CDKN2B-AS1: variants seen among roughly 807,000 people sequenced by gnomAD.
CDKN2B-AS1 encodes the protein CDKN2B and CDKN2A antisense cis and trans regulatory RNA 1.
intron 4 of CDKN2B-AS1, among the ~76,000 whole-genome samples, chr9:22,070,525 G>A (rs1340466337): frequency 6.6e-6 from 1 of 152,124 alleles, no homozygotes; most frequent in Non-Finnish European, 1.5e-5. Context: ...GATTTCCCAG[G>A]GAAAGTGATG....
At position 21,996,694 on chromosome 9, in the gene CDKN2B-AS1, C is replaced by T. The variant is rs1032862023; in HGVS notation, n.29+1533C>T. On this transcript the variant is annotated intron_variant and non_coding_transcript_variant, in intron 1 of 4. Transcript: ENST00000650946. This position sits in a 1 kb window ranked among gnomAD's most constrained non-coding sequence, Gnocchi z 5.4. Reference sequence around the variant, plus strand: ...CCCTCCTACCACCACCTTCAGCCGGCCTCCGCCTCTGTAGGGGGGCATTAG... The same window carrying T: ...CCCTCCTACCACCACCTTCAGCCGGTCTCCGCCTCTGTAGGGGGGCATTAG... Among the ~76,000 whole-genome samples the T allele has an allele frequency of 6.6e-6, 1 of 152,152 alleles. No individual in the cohort carries two copies. The highest frequency in any genetic ancestry group is 1.9e-4 in the East Asian group (1 of 5,192).
chr9:22,077,892 G>T (rs1297277090), intron 4 of CDKN2B-AS1: 1 of 152,170 alleles, frequency 6.6e-6, no homozygotes, highest in Non-Finnish European at 1.5e-5. Flanking sequence ...ATAAACAATA[G>T]ATCTCTGTGG....
At position 22,000,767 on chromosome 9, in the gene CDKN2B-AS1, A is replaced by C. The variant is rs1820884314; in HGVS notation, n.29+5606A>C. ...ATTCTAAAATATATAATAACAAACA[A>C]TAACAGTACTTGCAGCTTAATTAAA... On this transcript the variant is annotated intron_variant and non_coding_transcript_variant, in intron 1 of 4. Transcript: ENST00000650946. This position sits in a 1 kb window ranked among gnomAD's most constrained non-coding sequence, Gnocchi z 4.1. Among the ~76,000 whole-genome samples the C allele has an allele frequency of 2.0e-5, 3 of 152,206 alleles. No homozygotes were observed. The highest frequency in any genetic ancestry group is 4.4e-5 in the Non-Finnish European group (3 of 68,028).
intron 1 of CDKN2B-AS1, among the ~76,000 whole-genome samples, chr9:22,041,403 A>G (rs888442585): frequency 6.6e-6 from 1 of 152,042 alleles, no homozygotes; most frequent in Non-Finnish European, 1.5e-5. Flanking sequence ...GAAAACTCCA[A>G]TCAACCCTAG....
chr9:22,038,023 C>T (rs1164376082), intron 1 of CDKN2B-AS1, among the ~76,000 whole-genome samples: 3 of 151,980 alleles, frequency 2.0e-5, no homozygotes, highest in African/African-American at 7.2e-5. Context: ...TTTGAAAAGC[C>T]TCTTGCACAA....
At chr9:22,010,860 C>A (rs1245136983) in intron 1 of CDKN2B-AS1, among the ~76,000 whole-genome samples, 5 of 152,116 alleles carry the variant, frequency 3.3e-5, no homozygotes, top group African/African-American at 9.7e-5. Flanking sequence ...AATTCTTGAG[C>A]CATTTTCTTA....
intron 4 of CDKN2B-AS1, among the ~76,000 whole-genome samples, chr9:22,117,014 A>G (rs1302567451): frequency 6.6e-6 from 1 of 152,244 alleles, no homozygotes; most frequent in East Asian, 1.9e-4. Flanking sequence ...GTGTTGAAAG[A>G]ATGTAAGGGG....
At chr9:22,072,930 A>G (rs1348005958) in intron 4 of CDKN2B-AS1, among the ~76,000 whole-genome samples, 3 of 152,210 alleles carry the variant, frequency 2.0e-5, no homozygotes, top group Non-Finnish European at 4.4e-5. Flanking sequence ...TAGAAATTGA[A>G]AGGAGATAAG....
chr9:22,047,945 G>A (rs1823178498), intron 2 of CDKN2B-AS1, among the ~76,000 whole-genome samples: 1 of 139,874 alleles, frequency 7.1e-6, no homozygotes, highest in Admixed American at 7.9e-5. Flanking sequence ...GCACTCCCAT[G>A]TGCGGCTAAT....
rs142570894 is a variant in CDKN2B-AS1 at position 22,006,155 on chromosome 9, C to A, written n.29+10994C>A. The A allele has an allele frequency of 1.3e-5, 21 of 1,611,652 alleles. No homozygotes were observed. The highest frequency in any genetic ancestry group is 1.7e-5 in the Non-Finnish European group (20 of 1,179,864). On this transcript the variant is annotated intron_variant and non_coding_transcript_variant, in intron 1 of 4. Transcript: ENST00000650946. This position sits in a 1 kb window ranked among gnomAD's most constrained non-coding sequence, Gnocchi z 6.4. ...AGCCCTCCCGGGCAGCATCATGCAC[C>A]GGTCGGGTGAGAGTGGCAGGGTCTG...
At chr9:22,106,930 C>T (rs1587540719) in intron 4 of CDKN2B-AS1, among the ~76,000 whole-genome samples, 1 of 152,234 alleles carries the variant, frequency 6.6e-6, no homozygotes, top group East Asian at 1.9e-4. Flanking sequence ...AAGAAACTTT[C>T]CCAAGTTGAT....
rs149314539 is a variant in CDKN2B-AS1, at chr9:22,079,404, C to T, written n.438+23017C>T. On this transcript the variant is annotated intron_variant and non_coding_transcript_variant, in intron 4 of 4. Transcript: ENST00000650946. ...TCGGGAGGCTGAGGCAGGAGACTTG[C>T]TTGAATGCAGGAAGTGGAGGTTACA... is the stretch of plus-strand genomic sequence containing the variant. 8.9e-3 allele frequency among the ~76,000 whole-genome samples: 1,344 copies of T among 151,210 alleles called. 11 individuals carry two copies. The highest frequency in any genetic ancestry group is 0.014 in the Non-Finnish European group (932 of 67,880).
chr9:22,116,285 G>A (rs1380432867), intron 4 of CDKN2B-AS1, among the ~76,000 whole-genome samples: 1 of 152,162 alleles, frequency 6.6e-6, no homozygotes. Context: ...GAGTAGGTAT[G>A]GAGATGAGCC....
chr9:22,058,946 G>C (rs193099327), intron 4 of CDKN2B-AS1: 28 of 172,084 alleles, frequency 1.6e-4, no homozygotes, highest in Non-Finnish European at 2.8e-4. Flanking sequence ...GATCTTATGA[G>C]ACTTATTCCA....
chr9:22,090,818 T>G (rs200717590), intron 4 of CDKN2B-AS1, among the ~76,000 whole-genome samples: 1 of 152,042 alleles, frequency 6.6e-6, no homozygotes, highest in African/African-American at 2.4e-5. Context: ...TGTGCAGAAG[T>G]TCTTTAGTTT....
chr9:22,067,393 C>G (rs983422336), intron 4 of CDKN2B-AS1, among the ~76,000 whole-genome samples: 3 of 152,058 alleles, frequency 2.0e-5, no homozygotes, highest in Admixed American at 6.6e-5. Flanking sequence ...GATAGGATGT[C>G]AAATAAATGA....
chr9:22,035,970 G>A (rs1587436812), intron 1 of CDKN2B-AS1, among the ~76,000 whole-genome samples: 1 of 152,136 alleles, frequency 6.6e-6, no homozygotes, highest in South Asian at 2.1e-4. Context: ...AGCCACAGAT[G>A]TAAGGGCTAC....
intron 4 of CDKN2B-AS1, among the ~76,000 whole-genome samples, chr9:22,062,312 T>A (rs1283564480): frequency 6.6e-6 from 1 of 152,214 alleles, no homozygotes; most frequent in Non-Finnish European, 1.5e-5. Flanking sequence ...AGGGTCTTTA[T>A]GTATACAATT....
intron 4 of CDKN2B-AS1, among the ~76,000 whole-genome samples, chr9:22,106,335 C>T (rs1228346874): frequency 6.6e-6 from 1 of 152,110 alleles, no homozygotes; most frequent in African/African-American, 2.4e-5. Flanking sequence ...CCCGCCTCAG[C>T]CTCTCAAAGT....
Sources: allele counts gnomAD v4.1 joint callset (sites outside exome capture counted in the v4.1 genomes callset), GRCh38; gene constraint gnomAD v4.1.1; non-coding constraint Gnocchi (gnomAD v3.1); transcripts MANE v1.5; gene names NCBI Gene and HGNC (gene_info 2026-07-23, HGNC 2026-07-21).